Variants in SUCLG2 observed in about 807,000 individuals in gnomAD.
The protein encoded by SUCLG2 is succinate-CoA ligase GDP-forming subunit beta.
In SUCLG2, 42 loss-of-function variants were observed where a neutral mutation model predicts 47.9. The observed-to-expected ratio is 0.88, with a 90% CI of 0.69 to 1.14. The LOEUF (loss-of-function observed/expected upper bound fraction) is 1.14. Among genes scored for constraint, SUCLG2 ranks in the 50% most tolerant of loss-of-function variants. The probability of loss-of-function intolerance (pLI) is 0.00; values close to 1 mark genes in which losing one functional copy is unlikely to be tolerated. For missense variants in SUCLG2, 571 were observed against 525.9 expected, an observed-to-expected ratio of 1.09 and a Z score of -0.84; for synonymous variants, 195 against 197.3, an observed-to-expected ratio of 0.99 and a Z score of 0.10.
At chr3:67,573,247 C>T (rs913831541) in intron 2 of SUCLG2, among the ~76,000 whole-genome samples, 1 of 152,098 alleles carries the variant, frequency 6.6e-6, no homozygotes, top group East Asian at 1.9e-4. Context: ...AATTGATGTA[C>T]AGGATCAACA....
intron 2 of SUCLG2, among the ~76,000 whole-genome samples, chr3:67,596,284 T>A (rs1273915500): frequency 6.6e-6 from 1 of 152,194 alleles, no homozygotes; most frequent in Non-Finnish European, 1.5e-5. Context: ...AACAGTAAGA[T>A]GATCACAGTT....
intron 2 of SUCLG2, among the ~76,000 whole-genome samples, chr3:67,555,749 C>A (rs1189497842): frequency 6.6e-6 from 1 of 152,152 alleles, no homozygotes; most frequent in East Asian, 1.9e-4. Flanking sequence ...TACCAACCAG[C>A]AAATGATGGA....
At chr3:67,559,088 G>T (rs1480971129) in intron 2 of SUCLG2, among the ~76,000 whole-genome samples, 1 of 152,128 alleles carries the variant, frequency 6.6e-6, no homozygotes, top group Non-Finnish European at 1.5e-5. Context: ...TTACTCTAAA[G>T]AATACCTTAA....
rs925638851 is a variant in SUCLG2 at position 67,393,025 on chromosome 3, A to C, written c.1183+7706T>G. On this transcript the variant is annotated intron_variant, in intron 10 of 10. Coordinates refer to ENST00000307227, the MANE Select transcript of SUCLG2 (RefSeq NM_003848.4). ...CCACATACTCACAGTAAGAAAAAAA[A>C]AATTGGGGAAGGCAGCCAAGATGGC... Among the ~76,000 whole-genome samples, 986 of 152,246 alleles carry C rather than the reference A, an allele frequency of 6.5e-3. 22 individuals carry two copies. The East Asian group carries it at 0.089, about 14-fold the overall frequency.
intron 10 of SUCLG2, among the ~76,000 whole-genome samples, chr3:67,398,541 G>T (rs1408152134): frequency 1.3e-5 from 2 of 151,854 alleles, no homozygotes; most frequent in Non-Finnish European, 2.9e-5. Context: ...GAGAGGATGT[G>T]GAGAAATAGG....
intron 9 of SUCLG2, among the ~76,000 whole-genome samples, chr3:67,420,240 G>A (rs1009559932): frequency 1.3e-5 from 2 of 152,156 alleles, no homozygotes; most frequent in Non-Finnish European, 2.9e-5. Context: ...TCACAAGTCA[G>A]GTATCTCATC....
At chr3:67,490,943 G>T (rs1052347445) in intron 9 of SUCLG2, among the ~76,000 whole-genome samples, 1 of 152,104 alleles carries the variant, frequency 6.6e-6, no homozygotes, top group African/African-American at 2.4e-5. Context: ...TAAAGTAAAA[G>T]ATAACAAATG....
chr3:67,576,572 A>G (rs114193026), intron 2 of SUCLG2, among the ~76,000 whole-genome samples: 1,781 of 152,362 alleles, frequency 0.012, 21 homozygotes, highest in Non-Finnish European at 0.019. Flanking sequence ...AAGAGCTGCA[A>G]CAGTTTAGGG....
At chr3:67,444,351 C>CTCT (rs1703870448) in intron 9 of SUCLG2, among the ~76,000 whole-genome samples, 1 of 73,164 alleles carries the variant, frequency 1.4e-5, no homozygotes, top group African/African-American at 5.0e-5. Flanking sequence ...GTTAGCCCCC[C>CTCT]GCCTGGCCAG....
intron 1 of SUCLG2, among the ~76,000 whole-genome samples, chr3:67,638,588 G>A (rs996515972): frequency 2.6e-5 from 4 of 152,130 alleles, no homozygotes; most frequent in African/African-American, 4.8e-5. Context: ...GTGGACAATC[G>A]AACATAATTT....
chr3:67,606,194 G>C (rs186659705), intron 2 of SUCLG2, among the ~76,000 whole-genome samples: 56 of 152,230 alleles, frequency 3.7e-4, no homozygotes, highest in African/African-American at 1.3e-3. Flanking sequence ...GACAGAGTGA[G>C]ACCCTGTCTC....
At chr3:67,505,920 C>T (rs1227695436) in intron 7 of SUCLG2, among the ~76,000 whole-genome samples, 5 of 151,966 alleles carry the variant, frequency 3.3e-5, no homozygotes, top group African/African-American at 1.2e-4. Flanking sequence ...TGAGGCTGTA[C>T]CACTGCACTC....
chr3:67,635,623 TCTGA>T (rs1328232376), intron 1 of SUCLG2, among the ~76,000 whole-genome samples: 1 of 152,172 alleles, frequency 6.6e-6, no homozygotes, highest in Non-Finnish European at 1.5e-5. Context: ...ACTCCTCCTC[TCTGA>T]CTCTCTCCTT....
rs556368940 is a variant in SUCLG2 at position 67,481,334 on chromosome 3, A to G, written c.1062+14464T>C. On this transcript the variant is annotated intron_variant, in intron 9 of 10. Transcript: ENST00000307227. ...ACACTTTCGAGCATTACTGCTCTAG[A>G]CCACGTGGACCAGGACTTCTTGGTC... Among the ~76,000 whole-genome samples, 4 of 152,346 alleles carry G rather than the reference A, an allele frequency of 2.6e-5. No individual in the cohort carries two copies. In the South Asian group the frequency reaches 8.3e-4, roughly 32 times the overall value.
intron 9 of SUCLG2, among the ~76,000 whole-genome samples, chr3:67,485,004 C>G (rs530168354): frequency 6.6e-6 from 1 of 152,274 alleles, no homozygotes; most frequent in South Asian, 2.1e-4. Flanking sequence ...AAGTCTCATT[C>G]TTGACGCCTC....
chr3:67,586,039 G>C (rs1040588477), intron 2 of SUCLG2, among the ~76,000 whole-genome samples: 2 of 146,058 alleles, frequency 1.4e-5, no homozygotes, highest in Non-Finnish European at 3.0e-5. Flanking sequence ...TTCCCTGATA[G>C]ATTTTCCTCC....
At chr3:67,373,493 C>T (rs1701981207), downstream of SUCLG2, among the ~76,000 whole-genome samples, 1 of 152,048 alleles carries the variant, frequency 6.6e-6, no homozygotes, top group South Asian at 2.1e-4. Context: ...GGTGGGGACA[C>T]AGCCAAACCA....
At chr3:67,383,573 G>C (rs1205081286) in intron 10 of SUCLG2, among the ~76,000 whole-genome samples, 1 of 152,060 alleles carries the variant, frequency 6.6e-6, no homozygotes, top group African/African-American at 2.4e-5. Context: ...ATAGTTATTC[G>C]GACCATCACA....
intron 2 of SUCLG2, among the ~76,000 whole-genome samples, chr3:67,529,972 CCAAAA>C (rs1254617999): frequency 2.6e-5 from 4 of 152,156 alleles, no homozygotes; most frequent in South Asian, 4.1e-4. Flanking sequence ...TCCCCAACCA[CCAAAA>C]CAAAACAAAA....
Sources: gnomAD v4.1 joint callset for allele counts (sites outside exome capture counted in the v4.1 genomes callset) on GRCh38, gnomAD v4.1.1 for gene constraint, MANE v1.5 for transcripts, NCBI Gene and HGNC (gene_info 2026-07-23, HGNC 2026-07-21) for gene names.